The following TNIK variants were observed in gnomAD, a reference collection of about 807,000 sequenced individuals.
The protein encoded by TNIK is TRAF2 and NCK interacting kinase.
Under a neutral mutation model 191.3 loss-of-function variants are expected in TNIK, and 49 were observed. That is an observed-to-expected ratio of 0.26 (90% confidence interval 0.20 to 0.32). The LOEUF (loss-of-function observed/expected upper bound fraction) is 0.32. TNIK is among the 10% of genes least tolerant of loss of function. TNIK has a pLI of 1.00. For synonymous variants in TNIK, 594 were observed against 600.9 expected, an observed-to-expected ratio of 0.99 and a Z score of 0.17; for missense variants, 1,155 against 1,702.3, an observed-to-expected ratio of 0.68 and a Z score of 5.66.
intron 1 of TNIK, among the ~76,000 whole-genome samples, chr3:171,426,019 G>A (rs1023077925): frequency 1.3e-5 from 2 of 152,104 alleles, no homozygotes; most frequent in African/African-American, 4.8e-5. Context: ...GACCTAGAAT[G>A]AGAAATACCG....
chr3:171,401,297 C>G (rs116326680), intron 1 of TNIK, among the ~76,000 whole-genome samples: 1,584 of 152,218 alleles, frequency 0.01, 23 homozygotes, highest in African/African-American at 0.035. Context: ...ACAGCCAACA[C>G]AGGCTTGGGC....
chr3:171,238,917 T>C (rs1744628121), intron 2 of TNIK, among the ~76,000 whole-genome samples: 1 of 152,232 alleles, frequency 6.6e-6, no homozygotes, highest in Non-Finnish European at 1.5e-5. Flanking sequence ...GGCAATACTA[T>C]ACCCAGTGAC....
rs1733681301 is a variant in TNIK, at chr3:171,159,406, AGTG to A, written c.1017-1745_1017-1743del. Among the ~76,000 whole-genome samples, 11 of 143,822 alleles carry A rather than the reference AGTG, an allele frequency of 7.6e-5. No homozygotes were observed. In the South Asian group the frequency reaches 2.5e-3, roughly 33 times the overall value. 94.4% of individuals were successfully genotyped at this position (143,822 alleles called of 152,430 possible). On this transcript the variant is annotated intron_variant, in intron 11 of 32. Transcript: ENST00000436636. This position sits in a 1 kb window ranked among gnomAD's most constrained non-coding sequence, Gnocchi z 4.1. ...CAAGGATCGGTTTTGGAGAGTAGTT[AGTG>A]TGCTGTGTGAGATACTGCCATGAAA...
chr3:171,085,038 C>T (rs1468759472), intron 25 of TNIK, 80 bp downstream of exon 25: 2 of 1,171,584 alleles, frequency 1.7e-6, no homozygotes, highest in East Asian at 2.6e-5. Flanking sequence ...AACTACTGAA[C>T]TGAGGATTAA....
intron 16 of TNIK, among the ~76,000 whole-genome samples, chr3:171,127,267 A>T (rs1728606594): frequency 6.6e-6 from 1 of 152,194 alleles, no homozygotes. Context: ...TTCAGAGGAA[A>T]TCTTCAAAGC....
At chr3:171,346,091 G>C (rs904655813) in intron 2 of TNIK, among the ~76,000 whole-genome samples, 1 of 152,132 alleles carries the variant, frequency 6.6e-6, no homozygotes, top group Non-Finnish European at 1.5e-5. Flanking sequence ...TTTGAGTAGA[G>C]ACCTGGAGAA....
chr3:171,082,228 G>T (rs778211202), intron 27 of TNIK, 23 bp downstream of exon 27: 1 of 1,607,946 alleles, frequency 6.2e-7, no homozygotes, highest in South Asian at 1.1e-5. Context: ...GGACCTGGGG[G>T]ACTCATCATC....
chr3:171,363,816 T>C (rs1353738615), intron 2 of TNIK, among the ~76,000 whole-genome samples: 1 of 152,212 alleles, frequency 6.6e-6, no homozygotes, highest in Non-Finnish European at 1.5e-5. Flanking sequence ...GATTCTCAGG[T>C]CTTGAGTTAA....
intron 1 of TNIK, among the ~76,000 whole-genome samples, chr3:171,392,789 A>AAC: frequency 6.6e-6 from 1 of 151,576 alleles, no homozygotes; most frequent in African/African-American, 2.4e-5. Flanking sequence ...AAAAAAAAAA[A>AAC]AAAAAAGAAA....
intron 2 of TNIK, among the ~76,000 whole-genome samples, chr3:171,350,963 T>C (rs1713071590): frequency 6.6e-6 from 1 of 152,152 alleles, no homozygotes; most frequent in South Asian, 2.1e-4. Flanking sequence ...ATATATTCTT[T>C]TTTCTTAACC....
rs1053986579 is a variant in TNIK, at chr3:171,071,613, A to G, written c.3449-290T>C. Among the ~76,000 whole-genome samples the G allele has an allele frequency of 2.6e-5, 4 of 152,126 alleles. 1 individual carries two copies. The highest frequency in any genetic ancestry group is 2.6e-4 in the Admixed American group (4 of 15,266). On this transcript the variant is annotated intron_variant, in intron 28 of 32. Coordinates refer to ENST00000436636, the MANE Select transcript of TNIK (RefSeq NM_015028.4). The stretch of plus-strand genomic sequence containing the variant: ...TCTTTAACACTAGGTCTTGATGTTG[A>G]TATTCATTGTAATAAGAATGTGCAT...
chr3:171,087,617 G>A (rs771406593), intron 23 of TNIK, 111 bp from the exon 24 acceptor site: 5 of 1,141,354 alleles, frequency 4.4e-6, no homozygotes, highest in African/African-American at 3.1e-5. Context: ...ACCCACTAGG[G>A]CATGAGAAGG....
chr3:171,348,106 C>A (rs1712558989), intron 2 of TNIK, among the ~76,000 whole-genome samples: 1 of 152,094 alleles, frequency 6.6e-6, no homozygotes, highest in Non-Finnish European at 1.5e-5. Context: ...CCATTATAAA[C>A]CCAATTTCTT....
chr3:171,210,412 G>C (rs1222480068), intron 4 of TNIK, among the ~76,000 whole-genome samples: 1 of 152,210 alleles, frequency 6.6e-6, no homozygotes, highest in Non-Finnish European at 1.5e-5. Flanking sequence ...ACAGGCTTTG[G>C]TATCAAACAC....
At chr3:171,344,371 T>C (rs1711814586) in intron 2 of TNIK, among the ~76,000 whole-genome samples, 1 of 152,168 alleles carries the variant, frequency 6.6e-6, no homozygotes, top group South Asian at 2.1e-4. Flanking sequence ...CACAAGAAAG[T>C]CTTGCTTCTT....
intron 2 of TNIK, among the ~76,000 whole-genome samples, chr3:171,301,945 A>T (rs1577402201): frequency 3.3e-5 from 5 of 152,162 alleles, no homozygotes. Context: ...AGGGGAAAAA[A>T]TTTGTGTATA....
chr3:171,441,193 T>C (rs1053407576), intron 1 of TNIK, among the ~76,000 whole-genome samples: 2 of 152,156 alleles, frequency 1.3e-5, no homozygotes, highest in East Asian at 1.9e-4. Context: ...AGGCATATTA[T>C]ACTTTAACAC....
chr3:171,265,747 T>C (rs1238380870), intron 2 of TNIK, among the ~76,000 whole-genome samples: 2 of 152,222 alleles, frequency 1.3e-5, no homozygotes, highest in Admixed American at 1.3e-4. Flanking sequence ...TCAAGGTTAC[T>C]GGGGAAACAG....
intron 15 of TNIK, among the ~76,000 whole-genome samples, chr3:171,130,286 T>C (rs2108588643): frequency 6.6e-6 from 1 of 152,282 alleles, no homozygotes; most frequent in South Asian, 2.1e-4. Flanking sequence ...TTTAACACAA[T>C]AAGATAAGCT....
Sources: gnomAD v4.1 joint callset for allele counts (sites outside exome capture counted in the v4.1 genomes callset) on GRCh38, gnomAD v4.1.1 for gene constraint, Gnocchi (gnomAD v3.1) non-coding constraint, MANE v1.5 for transcripts, NCBI Gene and HGNC (gene_info 2026-07-23, HGNC 2026-07-21) for gene names.